The following CTNND2 variants were observed in gnomAD, a reference collection of about 807,000 sequenced individuals.
CTNND2 encodes catenin delta-2.
CTNND2 carries 22 observed loss-of-function variants against 144.4 expected under a neutral mutation model. The ratio of observed to expected loss-of-function variants is 0.15; its 90% CI spans 0.11 to 0.22. The LOEUF (loss-of-function observed/expected upper bound fraction) is 0.22, where lower values mean the gene tolerates loss of function less well. Among genes scored for constraint, CTNND2 ranks in the 10% least tolerant of loss-of-function variants. The pLI is 1.00. For synonymous variants in CTNND2, 751 were observed against 695.6 expected, an observed-to-expected ratio of 1.08 and a Z score of -1.25; for missense variants, 1,353 against 1,618.8, an observed-to-expected ratio of 0.84 and a Z score of 2.82.
At chr5:11,774,194 T>C (rs1333975011) in intron 1 of CTNND2, among the ~76,000 whole-genome samples, 1 of 152,116 alleles carries the variant, frequency 6.6e-6, no homozygotes, top group Non-Finnish European at 1.5e-5. Flanking sequence ...TCAATTTGCC[T>C]ATTTTTTGAC....
chr5:11,020,324 A>C (rs894800493), intron 17 of CTNND2, among the ~76,000 whole-genome samples: 1 of 152,046 alleles, frequency 6.6e-6, no homozygotes. Context: ...GTTTTCCCAT[A>C]CTATCACAAA....
At chr5:11,794,487 T>A (rs894890739) in intron 1 of CTNND2, among the ~76,000 whole-genome samples, 12 of 152,232 alleles carry the variant, frequency 7.9e-5, no homozygotes, top group Non-Finnish European at 1.8e-4. Context: ...AGGACTGGAA[T>A]CTTGCTGTGT....
intron 2 of CTNND2, among the ~76,000 whole-genome samples, chr5:11,612,234 A>G (rs981455253): frequency 2.0e-5 from 3 of 152,184 alleles, no homozygotes; most frequent in African/African-American, 7.2e-5. Flanking sequence ...TGACTTTACA[A>G]AAGGAACATT....
chr5:11,427,970 A>T (rs1762941441), intron 3 of CTNND2, among the ~76,000 whole-genome samples: 1 of 152,296 alleles, frequency 6.6e-6, no homozygotes, highest in Non-Finnish European at 1.5e-5. Flanking sequence ...GGCGAAAGGC[A>T]CTTCTTACAT....
chr5:11,526,378 T>A (rs1773249099), intron 3 of CTNND2, among the ~76,000 whole-genome samples: 1 of 152,190 alleles, frequency 6.6e-6, no homozygotes, highest in Non-Finnish European at 1.5e-5. Context: ...TGAAATTGGT[T>A]CTGTCATATG....
At chr5:11,431,153 C>T (rs962913887) in intron 3 of CTNND2, among the ~76,000 whole-genome samples, 1 of 151,992 alleles carries the variant, frequency 6.6e-6, no homozygotes, top group Non-Finnish European at 1.5e-5. Context: ...TTTTCCTGAC[C>T]CTCTTTTGGT....
intron 2 of CTNND2, among the ~76,000 whole-genome samples, chr5:11,631,871 C>T (rs942369725): frequency 6.6e-6 from 1 of 152,094 alleles, no homozygotes; most frequent in African/African-American, 2.4e-5. Flanking sequence ...GCAAGAGTGC[C>T]AATCCAAAAG....
In CTNND2 at chr5:11,903,728, C is replaced by A. The variant is rs1055209235; in HGVS notation, c.37+89G>T. ...CCGCCGCCGCCTGCCGGCCGGGAGC[C>A]CAGGACCACCCCCACCAGCGGCAAG... is the stretch of plus-strand genomic sequence containing the variant. On this transcript the variant is annotated intron_variant, in intron 1 of 21. Coordinates refer to ENST00000304623, the MANE Select transcript of CTNND2 (RefSeq NM_001332.4). This position sits in a 1 kb window ranked among gnomAD's most constrained non-coding sequence, Gnocchi z 5.4. 4.5e-6 allele frequency: 6 copies of A among 1,344,226 alleles called. No individual in the cohort carries two copies. The allele number at this position is 1,344,226 out of a possible 1,614,324, so 83.3% of individuals were successfully genotyped here.
intron 2 of CTNND2, among the ~76,000 whole-genome samples, chr5:11,639,470 TAA>T (rs1019832278): frequency 6.6e-6 from 1 of 152,188 alleles, no homozygotes; most frequent in African/African-American, 2.4e-5. Flanking sequence ...TTACATATTC[TAA>T]AAGAGCATCT....
In CTNND2 at chr5:11,095,358, G is replaced by T. The variant is rs115848331; in HGVS notation, c.2637+3217C>A. On this transcript the variant is annotated intron_variant, in intron 15 of 21. Transcript: ENST00000304623. Reference sequence around the variant, plus strand: ...AACTTCTTTCTATCAATTTTACATTGTATTGACAGTATATTGCCAGCTGAA... The same window carrying T: ...AACTTCTTTCTATCAATTTTACATTTTATTGACAGTATATTGCCAGCTGAA... Among the ~76,000 whole-genome samples the T allele has an allele frequency of 3.9e-3, 590 of 152,312 alleles. 5 individuals carry two copies. The highest frequency in any genetic ancestry group is 0.013 in the African/African-American group (555 of 41,554).
intron 1 of CTNND2, among the ~76,000 whole-genome samples, chr5:11,844,299 G>GTT (rs1794630410): frequency 6.6e-6 from 1 of 152,064 alleles, no homozygotes; most frequent in South Asian, 2.1e-4. Flanking sequence ...ACCTTTTAAA[G>GTT]TTCATAGAGA....
intron 1 of CTNND2, among the ~76,000 whole-genome samples, chr5:11,813,157 C>T (rs1792431767): frequency 6.6e-6 from 1 of 152,156 alleles, no homozygotes; most frequent in African/African-American, 2.4e-5. Flanking sequence ...CAATACTTAC[C>T]ATTGTGTTAC....
intron 8 of CTNND2, among the ~76,000 whole-genome samples, chr5:11,357,067 T>C (rs1256957430): frequency 6.6e-6 from 1 of 152,060 alleles, no homozygotes; most frequent in Admixed American, 6.6e-5. Flanking sequence ...TGCACTTATA[T>C]ACTGCTCATG....
At chr5:11,501,174 C>T (rs746190143) in intron 3 of CTNND2, among the ~76,000 whole-genome samples, 175 of 152,202 alleles carry the variant, frequency 1.1e-3, no homozygotes, top group Non-Finnish European at 2.1e-3. Flanking sequence ...ACAAACACAG[C>T]TAATGCTAGA....
intron 1 of CTNND2, among the ~76,000 whole-genome samples, chr5:11,771,313 G>A (rs185382224): frequency 3.3e-5 from 5 of 151,770 alleles, no homozygotes; most frequent in Admixed American, 6.6e-5. Context: ...TAGCAGAGGC[G>A]GGGTTTCACC....
At chr5:11,023,629 T>G (rs532418898) in intron 16 of CTNND2, among the ~76,000 whole-genome samples, 1 of 152,232 alleles carries the variant, frequency 6.6e-6, no homozygotes, top group Non-Finnish European at 1.5e-5. Context: ...AACCTGATGC[T>G]GTTTGTCTCT....
At chr5:11,497,956 G>C (rs1313688527) in intron 3 of CTNND2, among the ~76,000 whole-genome samples, 2 of 152,094 alleles carry the variant, frequency 1.3e-5, no homozygotes, top group African/African-American at 4.8e-5. Flanking sequence ...GGCAGCACAT[G>C]CTCCTTTACC....
At chr5:11,301,336 T>C (rs1217976800) in intron 9 of CTNND2, among the ~76,000 whole-genome samples, 1 of 151,966 alleles carries the variant, frequency 6.6e-6, no homozygotes, top group Non-Finnish European at 1.5e-5. Flanking sequence ...TTTCTTACTC[T>C]AGGGTCCAGC....
intron 2 of CTNND2, among the ~76,000 whole-genome samples, chr5:11,714,922 A>AAAAGAAAGAAAGAAATCAGGAAGGT (rs1786268404): frequency 1.3e-5 from 2 of 151,980 alleles, no homozygotes; most frequent in Non-Finnish European, 2.9e-5. Context: ...CAAAAAAAAA[A>AAAAGAAAGAAAGAAATCAGGAAGGT]AAAGAAAGAA....
Sources: allele counts gnomAD v4.1 joint callset (sites outside exome capture counted in the v4.1 genomes callset), GRCh38; gene constraint gnomAD v4.1.1; non-coding constraint Gnocchi (gnomAD v3.1); transcripts MANE v1.5; gene names NCBI Gene and HGNC (gene_info 2026-07-23, HGNC 2026-07-21).